AGAP1: variants seen among roughly 807,000 people sequenced by gnomAD.
The protein encoded by AGAP1 is ArfGAP with GTPase domain, ankyrin repeat and PH domain 1, also known as arf-GAP with GTPase, ANK repeat and PH domain-containing protein 1.
A neutral mutation model predicts 105.3 loss-of-function variants in AGAP1; 29 were observed. The observed-to-expected ratio is 0.28, with a 90% CI of 0.21 to 0.38. AGAP1 has a LOEUF of 0.38. Among genes scored for constraint, AGAP1 ranks in the 10% least tolerant of loss-of-function variants. AGAP1 has a pLI of 1.00. For synonymous variants in AGAP1, 509 were observed against 485.9 expected (o/e 1.05, Z -0.63); for missense variants, 998 against 1,165.1 (o/e 0.86, Z 2.09).
At chr2:235,603,485 C>A (rs1218517149) in intron 1 of AGAP1, among the ~76,000 whole-genome samples, 1 of 152,176 alleles carries the variant, frequency 6.6e-6, no homozygotes, top group Non-Finnish European at 1.5e-5. Context: ...GGGTGCTTCG[C>A]AGTGCTCAAT....
At chr2:235,972,221 TTC>T in intron 13 of AGAP1, among the ~76,000 whole-genome samples, 1 of 152,380 alleles carries the variant, frequency 6.6e-6, no homozygotes. Context: ...GATATAAAAC[TTC>T]TATAGAAGAT....
chr2:236,072,456 A>AAC, intron 16 of AGAP1: 1 of 151,054 alleles, frequency 6.6e-6, no homozygotes, highest in East Asian at 1.9e-4. Context: ...AAAAAAAAAA[A>AAC]GAGATAGGGT....
At chr2:235,605,027 CAT>C in intron 1 of AGAP1, among the ~76,000 whole-genome samples, 1 of 151,962 alleles carries the variant, frequency 6.6e-6, no homozygotes, top group South Asian at 2.1e-4. Flanking sequence ...CACAGGCGTG[CAT>C]CACCATGCCT....
chr2:236,040,660 C>A lies in AGAP1; in HGVS notation c.1801-91C>A. 2.5e-6 allele frequency: 3 copies of A among 1,213,814 alleles called. No homozygotes were observed. Among genetic ancestry groups the A allele is most frequent in the East Asian group, 2.5e-5 (1 of 39,658 alleles). 75.2% of individuals were successfully genotyped at this position (1,213,814 alleles called of 1,614,324 possible). On this transcript the variant is annotated intron_variant, in intron 14 of 17. Coordinates refer to ENST00000304032, the MANE Select transcript of AGAP1 (RefSeq NM_001037131.3). The surrounding 1 kb of genome is among the most constrained non-coding windows in gnomAD (Gnocchi z 5.6). The stretch of plus-strand genomic sequence containing the variant: ...ATTACCCTCGTCCTACATTTGCTCC[C>A]AATCTGTTTGATCTTTCCCTGATGT...
At chr2:236,106,472 C>G (rs1358628641) in intron 16 of AGAP1, among the ~76,000 whole-genome samples, 1 of 152,248 alleles carries the variant, frequency 6.6e-6, no homozygotes. Flanking sequence ...ACTCGGCTAG[C>G]CCCTGCCCTC....
rs577051452 is a variant in AGAP1, at chr2:235,866,870, G to A, written c.1051-16475G>A. On this transcript the variant is annotated intron_variant, in intron 9 of 17. Transcript: ENST00000304032. The surrounding 1 kb of genome is among the most constrained non-coding windows in gnomAD (Gnocchi z 6.1). The stretch of plus-strand genomic sequence containing the variant: ...AGGACAACAGTCATATTGGATTAGG[G>A]CCCATCCTAACAGCCTTATTTTAAC... Among the ~76,000 whole-genome samples, 7 of 152,240 alleles carry A rather than the reference G, an allele frequency of 4.6e-5. No homozygotes were observed. Among genetic ancestry groups the A allele is most frequent in the Admixed American group, 6.5e-5 (1 of 15,294 alleles).
chr2:235,840,746 G>A (rs998420987), intron 9 of AGAP1, among the ~76,000 whole-genome samples: 1 of 148,356 alleles, frequency 6.7e-6, no homozygotes, highest in Non-Finnish European at 1.5e-5. Flanking sequence ...GATTCGATGT[G>A]GAGGATGAAG....
chr2:236,091,945 A>C (rs77295306), intron 16 of AGAP1, among the ~76,000 whole-genome samples: 2,496 of 152,342 alleles, frequency 0.016, 68 homozygotes, highest in African/African-American at 0.057. Context: ...AGTGAAAAGG[A>C]ATGAATTCTT....
intron 9 of AGAP1, among the ~76,000 whole-genome samples, chr2:235,809,924 A>C (rs1008487720): frequency 6.6e-6 from 1 of 152,132 alleles, no homozygotes; most frequent in Middle Eastern, 3.2e-3. Flanking sequence ...AATCCTCGAC[A>C]TTGCCACAGT....
At chr2:235,571,958 G>GTGTGTA (rs1553568293) in intron 1 of AGAP1, among the ~76,000 whole-genome samples, 11 of 107,418 alleles carry the variant, frequency 1.0e-4, no homozygotes, top group African/African-American at 4.0e-4. Flanking sequence ...GTGTGTGTGT[G>GTGTGTA]TATACATATA....
chr2:236,124,447 CG>C lies in AGAP1; in HGVS notation c.*326del. 2.9e-6 allele frequency: 1 copy of C among 345,058 alleles called. No individual in the cohort carries two copies. Among genetic ancestry groups the C allele is most frequent in the Non-Finnish European group, 5.4e-6 (1 of 185,946 alleles). The allele number at this position is 345,058 out of a possible 1,614,324, so 21.4% of individuals were successfully genotyped here. On this transcript the variant is annotated 3_prime_UTR_variant, in exon 18 of 18. Transcript: ENST00000304032. The surrounding 1 kb of genome is among the most constrained non-coding windows in gnomAD (Gnocchi z 5.1). ...GTCCTGGTGGCACAAGGGATGGGGA[CG>C]CGAGGGGGAGGGGAGGCGAGGAACA... is the stretch of plus-strand genomic sequence containing the variant.
intron 8 of AGAP1, among the ~76,000 whole-genome samples, chr2:235,805,014 A>G (rs954230041): frequency 2.0e-5 from 3 of 152,208 alleles, no homozygotes; most frequent in Admixed American, 6.5e-5. Flanking sequence ...TGGGGTGTCT[A>G]TGTCCATTGG....
intron 12 of AGAP1, among the ~76,000 whole-genome samples, chr2:235,947,090 T>G (rs1482483261): frequency 6.6e-6 from 1 of 152,208 alleles, no homozygotes; most frequent in Non-Finnish European, 1.5e-5. Context: ...TATTTTGATT[T>G]CAGTAGTTTT....
chr2:236,128,265 T>C lies in AGAP1; in HGVS notation c.*4143T>C, dbSNP rs1327085688. The C allele has an allele frequency of 1.3e-5, 2 of 152,486 alleles. No individual in the cohort carries two copies. The highest frequency in any genetic ancestry group is 2.9e-5 in the Non-Finnish European group (2 of 68,230). 9.4% of individuals were successfully genotyped at this position (152,486 alleles called of 1,614,324 possible). The stretch of plus-strand genomic sequence containing the variant: ...GATTTTCTAGAGGCGAGGAAGGGGC[T>C]GAGTTCTGCCCTCGTGCTGTTCGCT... On this transcript the variant is annotated 3_prime_UTR_variant, in exon 18 of 18. Coordinates refer to ENST00000304032, the MANE Select transcript of AGAP1 (RefSeq NM_001037131.3). This position sits in a 1 kb window ranked among gnomAD's most constrained non-coding sequence, Gnocchi z 5.9.
chr2:235,734,179 C>G lies in AGAP1; in HGVS notation c.311-6784C>G, dbSNP rs1952107397. 6.6e-6 allele frequency among the ~76,000 whole-genome samples: 1 copy of G among 152,190 alleles called. No individual in the cohort carries two copies. Among genetic ancestry groups the G allele is most frequent in the African/African-American group, 2.4e-5 (1 of 41,458 alleles). ...AATAATTAGGGAATAATACAGTTTG[C>G]AGATTTTCTCCCGATGTCATCATGG... On this transcript the variant is annotated intron_variant, in intron 3 of 17. Coordinates refer to ENST00000304032, the MANE Select transcript of AGAP1 (RefSeq NM_001037131.3). This position sits in a 1 kb window ranked among gnomAD's most constrained non-coding sequence, Gnocchi z 5.3.
chr2:235,826,184 C>G (rs867535333), intron 9 of AGAP1, among the ~76,000 whole-genome samples: 3 of 152,268 alleles, frequency 2.0e-5, no homozygotes, highest in Non-Finnish European at 2.9e-5. Context: ...GATGGCAGAG[C>G]GTTGGCATGC....
intron 13 of AGAP1, among the ~76,000 whole-genome samples, chr2:236,015,760 G>A (rs2056678598): frequency 6.6e-6 from 1 of 152,086 alleles, no homozygotes; most frequent in Admixed American, 6.6e-5. Flanking sequence ...TCAAGTAATC[G>A]CAAGCTCGTG....
Position 235,947,434 on chromosome 2 carries a change from A to G in AGAP1, c.1483+16511A>G, listed in dbSNP as rs114976220. On this transcript the variant is annotated intron_variant, in intron 12 of 17. Coordinates refer to ENST00000304032, the MANE Select transcript of AGAP1 (RefSeq NM_001037131.3). ...CCTTTTTATGGCTGACTAGTATTCC[A>G]TAATTATATATACATATATAACATT... 3.6e-3 allele frequency among the ~76,000 whole-genome samples: 550 copies of G among 152,340 alleles called. 4 individuals carry two copies. The highest frequency in any genetic ancestry group is 0.012 in the African/African-American group (498 of 41,580).
chr2:235,675,791 T>A (rs1210532009), intron 1 of AGAP1, among the ~76,000 whole-genome samples: 1 of 152,188 alleles, frequency 6.6e-6, no homozygotes, highest in African/African-American at 2.4e-5. Context: ...TCCTGCTGTT[T>A]ATTTCCTTAG....
Sources: gnomAD v4.1 joint callset for allele counts (sites outside exome capture counted in the v4.1 genomes callset) on GRCh38, gnomAD v4.1.1 for gene constraint, Gnocchi (gnomAD v3.1) non-coding constraint, MANE v1.5 for transcripts, NCBI Gene and HGNC (gene_info 2026-07-23, HGNC 2026-07-21) for gene names.